The following ARVCF variants were observed in gnomAD, a reference collection of about 807,000 sequenced individuals.
ARVCF encodes the protein splicing regulator ARVCF.
A neutral mutation model predicts 90.9 loss-of-function variants in ARVCF; 66 were observed. That is an observed-to-expected ratio of 0.73 (90% CI 0.60 to 0.89). The LOEUF (loss-of-function observed/expected upper bound fraction) is 0.89, where lower values mean the gene tolerates loss of function less well. Ranked by LOEUF, ARVCF falls within the 40% of genes least tolerant of loss-of-function variation. The pLI, the probability that ARVCF is intolerant of heterozygous loss-of-function variation, is 0.00. For missense variants in ARVCF, 1,469 were observed against 1,382.3 expected (o/e 1.06, Z -1.00); for synonymous variants, 653 against 603.4 (o/e 1.08, Z -1.21).
At position 19,972,797 on chromosome 22, in the gene ARVCF, C is replaced by CTA; in HGVS notation, c.2580_2581insTA (p.Gly861Ter). 6.2e-7 allele frequency: 1 copy of CTA among 1,613,566 alleles called. No homozygotes were observed. The highest frequency in any genetic ancestry group is 1.1e-5 in the South Asian group (1 of 91,062). ...TCGAAGCCCCCAGGACTCAGTGCTC[C>CTA]CTTAGGCCCCTTGGCAGTAGCAGCA... On this transcript the variant is annotated frameshift_variant, in exon 16 of 20. Transcript: ENST00000263207. LOFTEE classifies it high-confidence loss of function.
chr22:19,973,966 T>A (rs1466913702), intron 12 of ARVCF, 146 bp downstream of exon 12: 4 of 1,477,754 alleles, frequency 2.7e-6, no homozygotes, highest in Middle Eastern at 2.5e-4. Context: ...GGTGCACGCA[T>A]TGCCCGCAGC....
intron 2 of ARVCF, among the ~76,000 whole-genome samples, chr22:19,991,878 G>C (rs145668253): frequency 6.6e-6 from 1 of 152,364 alleles, no homozygotes; most frequent in East Asian, 1.9e-4. Flanking sequence ...GCCCAGGGCT[G>C]CTCAGGCATC....
intron 2 of ARVCF, among the ~76,000 whole-genome samples, chr22:20,009,471 C>A (rs1488537796): frequency 6.6e-6 from 1 of 152,262 alleles, no homozygotes; most frequent in Non-Finnish European, 1.5e-5. Context: ...GGCCATGCCT[C>A]CACAATGGGC....
chr22:19,981,353 C>A lies in ARVCF; in HGVS notation c.754G>T (p.Glu252Ter). Residue 252 changes from glutamate to a stop codon, truncating the protein, a stop_gained, in exon 5 of 20, where the codon GAG becomes TAG. Coordinates refer to ENST00000263207, the MANE Select transcript of ARVCF (RefSeq NM_001670.3). LOFTEE classifies it high-confidence loss of function. ...CCATACGGCTCTGCCTGGAAGCGCT[C>A]GGGCAGGGAGCGGCCACCTGGTGGC... The part of the protein sequence containing the change: ...PGPPGGRSLP[E>*]RFQAEPYGLE... 1 of 1,605,858 alleles carries A rather than the reference C, an allele frequency of 6.2e-7. No individual in the cohort carries two copies. The highest frequency in any genetic ancestry group is 8.5e-7 in the Non-Finnish European group (1 of 1,177,224).
intron 2 of ARVCF, among the ~76,000 whole-genome samples, chr22:19,993,252 C>T (rs1944097942): frequency 6.6e-6 from 1 of 152,242 alleles, no homozygotes; most frequent in African/African-American, 2.4e-5. Flanking sequence ...CCCAGGCCCA[C>T]TCCCCTGACA....
intron 2 of ARVCF, among the ~76,000 whole-genome samples, chr22:19,994,978 C>G (rs1048389693): frequency 1.3e-5 from 2 of 151,726 alleles, no homozygotes; most frequent in Admixed American, 1.3e-4. Flanking sequence ...TATGGACAGA[C>G]AGACGGGTGA....
chr22:20,012,087 C>T (rs1474362109), intron 1 of ARVCF, among the ~76,000 whole-genome samples: 1 of 143,406 alleles, frequency 7.0e-6, no homozygotes, highest in African/African-American at 2.5e-5. Context: ...AGTCCCCCCC[C>T]CCCACCCAGT....
rs747851576 is a variant in ARVCF, at chr22:19,973,186, G to A, written c.2371C>T (p.Leu791=). 33 of 1,610,920 alleles carry A rather than the reference G, an allele frequency of 2.0e-5. No individual in the cohort carries two copies. Among genetic ancestry groups the A allele is most frequent in the African/African-American group, 1.5e-4 (11 of 74,864 alleles). The part of the protein sequence containing the change: ...NTIHEIVSDS[L]DNARSLLQAR... ...TGCAGGAGCGAGCGCGCGTTATCCA[G>A]GCTGTCGGACACGATTTCGTGGATG... Residue 791 remains leucine, a synonymous_variant, in exon 14 of 20, where the codon CTG becomes TTG. Coordinates refer to ENST00000263207, the MANE Select transcript of ARVCF (RefSeq NM_001670.3).
rs1411841272 is a variant in ARVCF, at chr22:19,980,039, A to C, written c.1100T>G (p.Leu367Arg). The change falls in exon 6 of 20, where the codon CTG becomes CGG. Residue 367 changes from leucine (L) to arginine (R), a missense_variant. Transcript: ENST00000263207. ...CTTCACGGGGTCCACGGGGTGCCGC[A>C]GCATGGCCAGCACCTCAGGCAGCTC... ...DPELPEVLAM[L>R]RHPVDPVKAN... 6.3e-7 allele frequency: 1 copy of C among 1,586,170 alleles called. No individual in the cohort carries two copies. The highest frequency in any genetic ancestry group is 2.3e-5 in the East Asian group (1 of 43,620).
chr22:19,979,175 T>C (rs1943336955), intron 6 of ARVCF, 95 bp from the exon 7 acceptor site: 1 of 1,330,290 alleles, frequency 7.5e-7, no homozygotes, highest in East Asian at 2.4e-5. Context: ...ACTCTCCTCA[T>C]GTCCCAGCTC....
At chr22:20,011,160 G>T (rs1442254434) in intron 1 of ARVCF, among the ~76,000 whole-genome samples, 1 of 152,234 alleles carries the variant, frequency 6.6e-6, no homozygotes, top group East Asian at 1.9e-4. Flanking sequence ...CAGGAGACAA[G>T]GGGGTGCCTG....
Position 19,974,237 on chromosome 22 carries a change from A to G in ARVCF, c.1963T>C (p.Phe655Leu), listed in dbSNP as rs1943020754. The G allele has an allele frequency of 6.2e-7, 1 of 1,607,626 alleles. No homozygotes were observed. The highest frequency in any genetic ancestry group is 1.3e-5 in the African/African-American group (1 of 74,808). The change falls in exon 12 of 20, where the codon TTT (phenylalanine) becomes CTT (leucine). Residue 655 changes from phenylalanine to leucine, a missense_variant and splice_region_variant. By Grantham distance (22) the Phe-to-Leu change is conservative. Coordinates refer to ENST00000263207, the MANE Select transcript of ARVCF (RefSeq NM_001670.3). ...ACCTCGGGCTGGTACAGCAGCTCAA[A>G]GCCTAGGTGCAGGGCAACCGCCACC... ...LPKRTEAAKG[F>L]ELLYQPEVVR...
chr22:19,988,997 G>A (rs1328607902), intron 3 of ARVCF, among the ~76,000 whole-genome samples: 1 of 152,180 alleles, frequency 6.6e-6, no homozygotes, highest in Non-Finnish European at 1.5e-5. Flanking sequence ...CCTCCGGGGT[G>A]CCTTGGGTCC....
chr22:19,971,111 G>A, intron 19 of ARVCF, 105 bp downstream of exon 19: 2 of 1,533,162 alleles, frequency 1.3e-6, no homozygotes, highest in Non-Finnish European at 1.8e-6. Flanking sequence ...AAGTCCTGCG[G>A]GGAACGTGCG....
intron 2 of ARVCF, among the ~76,000 whole-genome samples, chr22:20,002,759 G>C (rs550661236): frequency 6.6e-6 from 1 of 152,196 alleles, no homozygotes; most frequent in Non-Finnish European, 1.5e-5. Flanking sequence ...CACAGCCTGC[G>C]CATGAAGATT....
chr22:19,970,566 G>C lies in ARVCF; in HGVS notation c.*190C>G. 1 of 1,206,204 alleles carries C rather than the reference G, an allele frequency of 8.3e-7. No individual in the cohort carries two copies. The highest frequency in any genetic ancestry group is 1.5e-5 in the South Asian group (1 of 68,454). The allele number at this position is 1,206,204 out of a possible 1,614,324, so 74.7% of individuals were successfully genotyped here. A position where few individuals can be genotyped will look rare whatever the true frequency, so the allele number is the denominator to read the frequency against. On this transcript the variant is annotated 3_prime_UTR_variant, in exon 20 of 20. Coordinates refer to ENST00000263207, the MANE Select transcript of ARVCF (RefSeq NM_001670.3). ...CAGCTAACTCAGGCCTAGGGAGTTA[G>C]GTAGGATGGGGGGAGTGGGGTGGGG...
At chr22:19,987,231 G>A in intron 3 of ARVCF, 1 of 356,664 alleles carries the variant, frequency 2.8e-6, no homozygotes, top group Non-Finnish European at 5.0e-6. Context: ...GGCGGTCACG[G>A]CGAGCAGCCA....
intron 2 of ARVCF, among the ~76,000 whole-genome samples, chr22:20,006,551 C>G (rs1944634003): frequency 7.1e-6 from 1 of 139,954 alleles, no homozygotes. Context: ...TGCACTCCAG[C>G]CTGGGCGGTA....
At position 19,970,452 on chromosome 22, in the gene ARVCF, C is replaced by G. The variant is rs978598513; in HGVS notation, c.*304G>C. On this transcript the variant is annotated 3_prime_UTR_variant, in exon 20 of 20. Transcript: ENST00000263207. ...CCAAAGCCCAGCCAGGCACCCTTCC[C>G]TGCCACCTCCCTGGGCCCTGCCCCA... 26 of 1,097,284 alleles carry G rather than the reference C, an allele frequency of 2.4e-5. No homozygotes were observed. The African/African-American group carries it at 4.4e-4, about 18-fold the overall frequency. The allele number at this position is 1,097,284 out of a possible 1,614,324, so 68.0% of individuals were successfully genotyped here.
Sources: allele counts gnomAD v4.1 joint callset (sites outside exome capture counted in the v4.1 genomes callset), GRCh38; gene constraint gnomAD v4.1.1; transcripts MANE v1.5; gene names NCBI Gene and HGNC (gene_info 2026-07-23, HGNC 2026-07-21).